The following AGBL1 variants were observed in gnomAD, a reference collection of about 807,000 sequenced individuals.
The protein encoded by AGBL1 is cytosolic carboxypeptidase 4.
Under a neutral mutation model 118.9 loss-of-function variants are expected in AGBL1, and 130 were observed. The ratio of observed to expected loss-of-function variants is 1.09; its 90% CI spans 0.95 to 1.26. The LOEUF (loss-of-function observed/expected upper bound fraction) is 1.26, where lower values mean the gene tolerates loss of function less well. AGBL1 is among the 50% of genes most tolerant of loss of function. AGBL1 has a pLI of 0.00. For synonymous variants in AGBL1, 555 were observed against 478.9 expected (o/e 1.16, Z -2.08); for missense variants, 1,584 against 1,298.1 (o/e 1.22, Z -3.38).
Position 86,472,855 on chromosome 15 carries a change from G to T in AGBL1, c.2556-49955G>T, listed in dbSNP as rs546196384. On this transcript the variant is annotated intron_variant, in intron 18 of 22. Coordinates refer to ENST00000614907, the MANE Select transcript of AGBL1 (RefSeq NM_001386094.1). ...AATTGCTTGAGCCCAAAAGGCAAAG[G>T]TTGCAGTGAGCCGAGATTGCACCAC... 4.5e-4 allele frequency among the ~76,000 whole-genome samples: 69 copies of T among 152,288 alleles called. 3 individuals are homozygous for T. In the South Asian group the frequency reaches 0.011, roughly 24 times the overall value.
chr15:86,519,679 C>T (rs981798144), intron 18 of AGBL1, among the ~76,000 whole-genome samples: 4 of 152,138 alleles, frequency 2.6e-5, no homozygotes, highest in African/African-American at 9.7e-5. Flanking sequence ...ATCATAACCA[C>T]CATAGAGTCC....
chr15:86,620,509 C>A (rs2084788635), intron 21 of AGBL1, among the ~76,000 whole-genome samples: 1 of 152,146 alleles, frequency 6.6e-6, no homozygotes, highest in Non-Finnish European at 1.5e-5. Context: ...TGCATGCTGA[C>A]CTCTCATCTC....
chr15:86,554,325 C>T, intron 20 of AGBL1, 36 bp from the exon 21 acceptor site: 4 of 1,500,646 alleles, frequency 2.7e-6, no homozygotes, highest in Non-Finnish European at 3.6e-6. Context: ...TAGTCACCCA[C>T]AACTAATCAT....
At chr15:86,346,899 G>C (rs1372044413) in intron 17 of AGBL1, among the ~76,000 whole-genome samples, 2 of 152,140 alleles carry the variant, frequency 1.3e-5, no homozygotes, top group Non-Finnish European at 2.9e-5. Flanking sequence ...CCAAGCACTG[G>C]CTGTTTTGTG....
chr15:86,837,516 G>C (rs2079186052), intron 22 of AGBL1, among the ~76,000 whole-genome samples: 1 of 152,172 alleles, frequency 6.6e-6, no homozygotes, highest in South Asian at 2.1e-4. Context: ...AAAAGGCAGA[G>C]CTGAGGAGCT....
At chr15:86,306,861 A>G (rs1567190498) in intron 17 of AGBL1, among the ~76,000 whole-genome samples, 1 of 152,136 alleles carries the variant, frequency 6.6e-6, no homozygotes, top group Non-Finnish European at 1.5e-5. Flanking sequence ...AGCCATTTTA[A>G]CTGTGGTAAG....
downstream of AGBL1, among the ~76,000 whole-genome samples, chr15:86,920,028 A>G (rs890698410): frequency 6.6e-6 from 1 of 152,158 alleles, no homozygotes; most frequent in South Asian, 2.1e-4. Context: ...AGTGCTGTCG[A>G]ACATTATCTA....
intron 18 of AGBL1, among the ~76,000 whole-genome samples, chr15:86,447,840 G>C (rs964205414): frequency 7.2e-5 from 11 of 152,104 alleles, no homozygotes; most frequent in Non-Finnish European, 1.3e-4. Flanking sequence ...ATAATATAAG[G>C]CAACACAAAA....
chr15:86,243,105 T>A (rs1205947248), intron 6 of AGBL1, among the ~76,000 whole-genome samples: 1 of 152,262 alleles, frequency 6.6e-6, no homozygotes, highest in Non-Finnish European at 1.5e-5. Context: ...GTGTGGCTAA[T>A]AGTCTGTAGG....
intron 19 of AGBL1, among the ~76,000 whole-genome samples, chr15:86,531,987 A>G (rs1043976496): frequency 1.5e-4 from 23 of 151,700 alleles, no homozygotes; most frequent in African/African-American, 5.1e-4. Context: ...ATCTATGACA[A>G]ACCCACAGCC....
chr15:86,085,082 G>A (rs1305340227), intron 1 of AGBL1, among the ~76,000 whole-genome samples: 1 of 152,190 alleles, frequency 6.6e-6, no homozygotes, highest in East Asian at 1.9e-4. Flanking sequence ...ATGTGGTATA[G>A]GAGCTAGGAG....
chr15:86,132,249 C>A (rs1351236623), intron 1 of AGBL1, among the ~76,000 whole-genome samples: 1 of 152,076 alleles, frequency 6.6e-6, no homozygotes, highest in African/African-American at 2.4e-5. Context: ...AAGGGCATCT[C>A]CCCAGTGTTT....
chr15:86,511,554 C>A (rs2083052456), intron 18 of AGBL1, among the ~76,000 whole-genome samples: 2 of 151,962 alleles, frequency 1.3e-5, no homozygotes, highest in Non-Finnish European at 2.9e-5. Context: ...AGCTGTGTGA[C>A]CTTAGGCAGG....
At chr15:86,191,973 T>C (rs971753902) in intron 5 of AGBL1, among the ~76,000 whole-genome samples, 1 of 150,664 alleles carries the variant, frequency 6.6e-6, no homozygotes, top group East Asian at 1.9e-4. Context: ...TAATGGCATG[T>C]GCCTGTAGTA....
chr15:86,802,215 T>G (rs571262250), intron 22 of AGBL1, among the ~76,000 whole-genome samples: 30 of 152,262 alleles, frequency 2.0e-4, no homozygotes, highest in Middle Eastern at 3.4e-3. Context: ...GAATTATATT[T>G]TTTTAGACTT....
chr15:86,111,886 C>T (rs958357814), intron 1 of AGBL1, among the ~76,000 whole-genome samples: 1 of 152,186 alleles, frequency 6.6e-6, no homozygotes, highest in Admixed American at 6.5e-5. Flanking sequence ...TCATTACTGC[C>T]TAAACTCTGC....
intron 21 of AGBL1, among the ~76,000 whole-genome samples, chr15:86,654,481 C>A (rs1241349447): frequency 6.6e-6 from 1 of 152,132 alleles, no homozygotes; most frequent in Non-Finnish European, 1.5e-5. Context: ...CCACTCTTTA[C>A]CCATGGCCCT....
chr15:86,544,203 G>A (rs957473341), intron 19 of AGBL1, among the ~76,000 whole-genome samples: 1 of 152,162 alleles, frequency 6.6e-6, no homozygotes, highest in Non-Finnish European at 1.5e-5. Context: ...AGGACTGGAT[G>A]GTCTAAGTTA....
chr15:87,023,057 TA>T, intron 24 of AGBL1, among the ~76,000 whole-genome samples: 2 of 151,934 alleles, frequency 1.3e-5, no homozygotes, highest in African/African-American at 2.4e-5. Context: ...AAATACCATT[TA>T]AAAAATGAAG....
Sources: gnomAD v4.1 joint callset for allele counts (sites outside exome capture counted in the v4.1 genomes callset) on GRCh38, gnomAD v4.1.1 for gene constraint, MANE v1.5 for transcripts, NCBI Gene and HGNC (gene_info 2026-07-23, HGNC 2026-07-21) for gene names.